The following GSG1L variants were observed in gnomAD, a reference collection of about 807,000 sequenced individuals.
The protein encoded by GSG1L is GSG1 like, also known as germ cell-specific gene 1-like protein.
A neutral mutation model predicts 42.1 loss-of-function variants in GSG1L; 24 were observed. The ratio of observed to expected loss-of-function variants is 0.57; its 90% CI spans 0.41 to 0.80. The LOEUF (loss-of-function observed/expected upper bound fraction) is 0.80. GSG1L is among the 30% of genes least tolerant of loss of function. The pLI is 0.00. For missense variants in GSG1L, 445 were observed against 472.2 expected, an observed-to-expected ratio of 0.94 and a Z score of 0.53; for synonymous variants, 215 against 203.5, an observed-to-expected ratio of 1.06 and a Z score of -0.48.
intron 1 of GSG1L, among the ~76,000 whole-genome samples, chr16:28,025,390 G>A (rs1356871761): frequency 1.3e-5 from 2 of 152,148 alleles, no homozygotes; most frequent in East Asian, 3.9e-4. Context: ...GACATAAGGG[G>A]GACATGCACC....
intron 2 of GSG1L, among the ~76,000 whole-genome samples, chr16:27,917,252 G>A (rs980278659): frequency 2.0e-5 from 3 of 152,072 alleles, no homozygotes; most frequent in Non-Finnish European, 4.4e-5. Flanking sequence ...ACAGGTATTC[G>A]GGAGGATTTG....
At chr16:27,890,376 G>A (rs191128048) in intron 2 of GSG1L, among the ~76,000 whole-genome samples, 2 of 152,326 alleles carry the variant, frequency 1.3e-5, no homozygotes, top group Admixed American at 1.3e-4. Context: ...GAGTTCAGGG[G>A]CAGGTGAGGG....
At chr16:27,869,861 CTCTG>C (rs2083790542) in intron 3 of GSG1L, among the ~76,000 whole-genome samples, 1 of 147,182 alleles carries the variant, frequency 6.8e-6, no homozygotes, top group Admixed American at 6.7e-5. Context: ...CTCTCTCTGT[CTCTG>C]TCTCCCTCCA....
intron 2 of GSG1L, among the ~76,000 whole-genome samples, chr16:27,925,752 G>A (rs1430627634): frequency 2.0e-5 from 3 of 152,136 alleles, no homozygotes; most frequent in Non-Finnish European, 2.9e-5. Flanking sequence ...GACAGGAACC[G>A]AGGGGCTGGG....
intron 2 of GSG1L, among the ~76,000 whole-genome samples, chr16:27,942,698 T>A (rs938547345): frequency 5.3e-5 from 8 of 152,096 alleles, no homozygotes; most frequent in Admixed American, 2.0e-4. Context: ...AAACGTAAAT[T>A]GGAAATCACA....
intron 1 of GSG1L, among the ~76,000 whole-genome samples, chr16:28,033,941 G>T (rs929296769): frequency 1.3e-5 from 2 of 152,134 alleles, no homozygotes; most frequent in Non-Finnish European, 2.9e-5. Context: ...CCTCTTCAAG[G>T]GAGTCCACAG....
intron 2 of GSG1L, among the ~76,000 whole-genome samples, chr16:27,957,906 G>C (rs1044076115): frequency 1.3e-5 from 2 of 152,112 alleles, no homozygotes; most frequent in African/African-American, 4.8e-5. Context: ...GTGAGAAAGA[G>C]AGGAGAGGAG....
intron 1 of GSG1L, among the ~76,000 whole-genome samples, chr16:27,975,336 G>C (rs1187651351): frequency 6.6e-6 from 1 of 152,098 alleles, no homozygotes; most frequent in Admixed American, 6.6e-5. Context: ...GAAGGGCAGG[G>C]AATGGACATG....
At chr16:27,798,445 A>G (rs1327046924) in intron 6 of GSG1L, among the ~76,000 whole-genome samples, 1 of 152,216 alleles carries the variant, frequency 6.6e-6, no homozygotes, top group Non-Finnish European at 1.5e-5. Context: ...GGTGTGAAAT[A>G]GGTCCTTGGC....
chr16:27,818,317 C>CA, intron 5 of GSG1L, among the ~76,000 whole-genome samples: 1 of 152,242 alleles, frequency 6.6e-6, no homozygotes, highest in Non-Finnish European at 1.5e-5. Context: ...TTCCTCCCAC[C>CA]ATCCTTTGAT....
rs546002418 is a variant in GSG1L at position 27,902,539 on chromosome 16, C to T, written c.398-17901G>A. 4.6e-5 allele frequency among the ~76,000 whole-genome samples: 7 copies of T among 152,118 alleles called. No homozygotes were observed. In the East Asian group the frequency reaches 1.4e-3, roughly 30 times the overall value. ...TGCCGATGATGAGACGGGAGGTTCG[C>T]CCAAGCTTCAGAGCAAGGGGAGGGA... On this transcript the variant is annotated intron_variant, in intron 2 of 6. Transcript: ENST00000447459.
intron 2 of GSG1L, among the ~76,000 whole-genome samples, chr16:27,914,412 A>T (rs977684097): frequency 1.3e-5 from 2 of 152,174 alleles, no homozygotes; most frequent in Non-Finnish European, 2.9e-5. Context: ...GATTATGAAG[A>T]ATGGAAAAAT....
intron 1 of GSG1L, among the ~76,000 whole-genome samples, chr16:27,970,465 G>A (rs1162536382): frequency 6.6e-6 from 1 of 151,874 alleles, no homozygotes; most frequent in Admixed American, 6.5e-5. Context: ...CCAGCTACTT[G>A]GGAGGCTGAG....
chr16:27,920,218 T>C (rs1249357509), intron 2 of GSG1L, among the ~76,000 whole-genome samples: 1 of 132,126 alleles, frequency 7.6e-6, no homozygotes, highest in African/African-American at 3.1e-5. Flanking sequence ...ATTAACAATG[T>C]CTGGTGTGGG....
intron 3 of GSG1L, among the ~76,000 whole-genome samples, chr16:27,882,707 C>G (rs2141022488): frequency 6.6e-6 from 1 of 152,204 alleles, no homozygotes; most frequent in East Asian, 1.9e-4. Context: ...CATCCCGACT[C>G]CCTGGGCAAA....
At chr16:27,972,706 C>T (rs1322611318) in intron 1 of GSG1L, among the ~76,000 whole-genome samples, 1 of 152,150 alleles carries the variant, frequency 6.6e-6, no homozygotes, top group Non-Finnish European at 1.5e-5. Flanking sequence ...AATCAATTTA[C>T]GTGATTCTTA....
At chr16:27,888,505 T>C (rs1166242664) in intron 2 of GSG1L, among the ~76,000 whole-genome samples, 643 of 11,424 alleles carry the variant, frequency 0.056, 85 homozygotes, top group Admixed American at 0.15. Context: ...CTTTCTTTCT[T>C]TCTTTCTTTC....
chr16:28,043,184 C>T (rs2086126397), intron 1 of GSG1L, among the ~76,000 whole-genome samples: 1 of 152,152 alleles, frequency 6.6e-6, no homozygotes, highest in Non-Finnish European at 1.5e-5. Context: ...GGGCCTAGAG[C>T]CTTCTCTGGC....
At chr16:27,922,126 C>T (rs1005601209) in intron 2 of GSG1L, among the ~76,000 whole-genome samples, 3 of 151,888 alleles carry the variant, frequency 2.0e-5, no homozygotes, top group African/African-American at 7.3e-5. Flanking sequence ...TGTGCCTCTC[C>T]TTATCCATCA....
Sources: gnomAD v4.1 joint callset for allele counts (sites outside exome capture counted in the v4.1 genomes callset) on GRCh38, gnomAD v4.1.1 for gene constraint, MANE v1.5 for transcripts, NCBI Gene and HGNC (gene_info 2026-07-23, HGNC 2026-07-21) for gene names.